HHIPL1: variants seen among roughly 807,000 people sequenced by gnomAD.
HHIPL1 encodes HHIP like 1.
Under a neutral mutation model 61.8 loss-of-function variants are expected in HHIPL1, and 43 were observed. That is an observed-to-expected ratio of 0.70 (90% CI 0.55 to 0.90). HHIPL1 has a LOEUF of 0.90. HHIPL1 is among the 40% of genes least tolerant of loss of function. The pLI, the probability that HHIPL1 is intolerant of heterozygous loss-of-function variation, is 0.00. For missense variants in HHIPL1, 1,056 were observed against 1,157.7 expected, an observed-to-expected ratio of 0.91 and a Z score of 1.28; for synonymous variants, 482 against 515.8, an observed-to-expected ratio of 0.93 and a Z score of 0.89.
intron 3 of HHIPL1, among the ~76,000 whole-genome samples, chr14:99,657,365 G>A (rs1206616673): frequency 1.3e-5 from 2 of 152,188 alleles, no homozygotes; most frequent in African/African-American, 4.8e-5. Context: ...TTGTCACAAG[G>A]AGTAAAGGCA....
the HHIPL1 span, among the ~76,000 whole-genome samples, chr14:99,635,540 G>T: frequency 2.0e-5 from 3 of 152,122 alleles, no homozygotes; most frequent in Admixed American, 2.0e-4. Context: ...GGGCCGTCAG[G>T]GGTTAGACTC....
chr14:99,665,813 G>A (rs551269955), intron 6 of HHIPL1, among the ~76,000 whole-genome samples: 10 of 152,128 alleles, frequency 6.6e-5, no homozygotes, highest in African/African-American at 2.4e-4. Flanking sequence ...ACAGGGTCTC[G>A]CTCTGTCGCC....
upstream of HHIPL1, among the ~76,000 whole-genome samples, chr14:99,644,704 C>G (rs115596055): frequency 4.0e-3 from 616 of 152,262 alleles, 4 homozygotes; most frequent in African/African-American, 0.014. Flanking sequence ...CCCACCCCTA[C>G]GCCAGGTTTC....
the HHIPL1 span, among the ~76,000 whole-genome samples, chr14:99,617,166 T>A: frequency 6.6e-6 from 1 of 152,176 alleles, no homozygotes; most frequent in Admixed American, 6.5e-5. Context: ...ACATAATACC[T>A]TGCAAGTTAC....
At chr14:99,661,421 AGAAG>A (rs11276316) in intron 5 of HHIPL1, among the ~76,000 whole-genome samples, 123 of 143,512 alleles carry the variant, frequency 8.6e-4, no homozygotes, top group Middle Eastern at 3.6e-3. Context: ...GAGAGAGAAA[AGAAG>A]GAAGGAAGGA....
At chr14:99,651,679 T>C (rs373563888) in intron 1 of HHIPL1, among the ~76,000 whole-genome samples, 15 of 151,976 alleles carry the variant, frequency 9.9e-5, no homozygotes, top group African/African-American at 3.4e-4. Flanking sequence ...TATCAGGAGA[T>C]GGAAGGTAGA....
At chr14:99,642,541 T>TC (rs1303838633), upstream of HHIPL1, among the ~76,000 whole-genome samples, 7 of 145,954 alleles carry the variant, frequency 4.8e-5, no homozygotes, top group African/African-American at 1.7e-4. Context: ...TTTTTTTTTT[T>TC]CTGAGACGGA....
At chr14:99,670,326 G>C (rs1034778167) in intron 7 of HHIPL1, among the ~76,000 whole-genome samples, 1 of 152,154 alleles carries the variant, frequency 6.6e-6, no homozygotes, top group Non-Finnish European at 1.5e-5. Context: ...TGGCTAGGCT[G>C]GTCTTAAACT....
In HHIPL1 at chr14:99,652,319, C is replaced by A; in HGVS notation, c.351C>A (p.Asp117Glu). ...GGCTCTGCCAGGATTACTGCCTGGA[C>A]ATGTGGCATAAGTGCCGGGGGCTGT... ...VPGLCQDYCL[D>E]MWHKCRGLFR... The change falls in exon 2 of 9, where the codon GAC (aspartate) becomes GAA (glutamate). Residue 117 changes from aspartate (D) to glutamate (E), a missense_variant. Transcript: ENST00000330710. 2.5e-6 allele frequency: 4 copies of A among 1,614,160 alleles called. No individual in the cohort carries two copies. Among genetic ancestry groups the A allele is most frequent in the Non-Finnish European group, 3.4e-6 (4 of 1,180,040 alleles).
At chr14:99,674,747 T>G (rs2056366361) in intron 8 of HHIPL1, among the ~76,000 whole-genome samples, 1 of 152,190 alleles carries the variant, frequency 6.6e-6, no homozygotes, top group African/African-American at 2.4e-5. Context: ...TGCCAGGAGC[T>G]GGCTCCCCCA....
chr14:99,647,280 C>T (rs1021100739), intron 1 of HHIPL1, among the ~76,000 whole-genome samples: 4 of 152,278 alleles, frequency 2.6e-5, no homozygotes, highest in Admixed American at 6.5e-5. Flanking sequence ...CTCAAGGGCA[C>T]GGGAATGGTC....
At chr14:99,628,847 T>A in the HHIPL1 span, among the ~76,000 whole-genome samples, 1 of 152,126 alleles carries the variant, frequency 6.6e-6, no homozygotes, top group Admixed American at 6.5e-5. Flanking sequence ...TAGCCATACC[T>A]GCTCTGCCCA....
chr14:99,646,858 A>T (rs2055848539), intron 1 of HHIPL1, among the ~76,000 whole-genome samples: 1 of 128,014 alleles, frequency 7.8e-6, no homozygotes. Context: ...ATATAATATA[A>T]TATGATATAA....
upstream of HHIPL1, among the ~76,000 whole-genome samples, chr14:99,640,915 ATCTC>A (rs373150806): frequency 9.6e-6 from 1 of 104,626 alleles, no homozygotes; most frequent in Non-Finnish European, 1.8e-5. Context: ...GAGATAGAGT[ATCTC>A]TCTCTCGCCC....
chr14:99,640,284 T>A (rs1595140042), upstream of HHIPL1, among the ~76,000 whole-genome samples: 1 of 152,118 alleles, frequency 6.6e-6, no homozygotes, highest in East Asian at 1.9e-4. Flanking sequence ...AACTTTAAAA[T>A]TTTTATTTAT....
chr14:99,637,212 GAAAGAAAGA>G, the HHIPL1 span, among the ~76,000 whole-genome samples: 966 of 105,860 alleles, frequency 9.1e-3, 9 homozygotes, highest in Admixed American at 0.018. Flanking sequence ...AAGAAAGAAA[GAAAGAAAGA>G]AAGAAAGAAA....
At chr14:99,656,855 G>A (rs532212480) in intron 2 of HHIPL1, 145 bp from the exon 3 acceptor site, 45,132 of 65,532 alleles carry the variant, frequency 0.69, 15,422 homozygotes, top group South Asian at 0.75. Flanking sequence ...AAGGAAGGAA[G>A]GAAGGAAGGA....
At chr14:99,669,348 T>A (rs980148481) in intron 7 of HHIPL1, 1 of 1,006,478 alleles carries the variant, frequency 9.9e-7, no homozygotes, top group African/African-American at 1.7e-5. Context: ...TCTTCAACAC[T>A]GGGTACGGAC....
At position 99,679,055 on chromosome 14, in the gene HHIPL1, A is replaced by C. The variant is rs2056416523; in HGVS notation, c.*3429A>C. On this transcript the variant is annotated 3_prime_UTR_variant, in exon 9 of 9. Transcript: ENST00000330710. ...TGCACATTTACTCACGTGGAAGCCG[A>C]GTTCCAGGGCATTTGTCACTTACCA... 6.6e-6 allele frequency: 1 copy of C among 152,258 alleles called. No individual in the cohort carries two copies. The highest frequency in any genetic ancestry group is 1.5e-5 in the Non-Finnish European group (1 of 68,042). 9.4% of individuals were successfully genotyped at this position (152,258 alleles called of 1,614,324 possible). A position where few individuals can be genotyped will look rare whatever the true frequency, so the allele number is the denominator to read the frequency against.
Sources: allele counts gnomAD v4.1 joint callset (sites outside exome capture counted in the v4.1 genomes callset), GRCh38; gene constraint gnomAD v4.1.1; transcripts MANE v1.5; gene names NCBI Gene and HGNC (gene_info 2026-07-23, HGNC 2026-07-21).